The following MGST1 variants were observed in gnomAD, a reference collection of about 807,000 sequenced individuals.
MGST1 encodes microsomal glutathione S-transferase 1, also known as glutathione S-transferase 12.
In MGST1, 5 loss-of-function variants were observed where a neutral mutation model predicts 8.9. The ratio of observed to expected loss-of-function variants is 0.56; its 90% CI spans 0.29 to 1.19. MGST1 has a LOEUF of 1.19. Ranked by LOEUF, MGST1 falls within the 50% of genes most tolerant of loss-of-function variation. The pLI, the probability that MGST1 is intolerant of heterozygous loss-of-function variation, is 0.08. For missense variants in MGST1, 182 were observed against 187.4 expected, an observed-to-expected ratio of 0.97 and a Z score of 0.17; for synonymous variants, 54 against 67.8, an observed-to-expected ratio of 0.80 and a Z score of 1.00.
At chr12:16,498,009 G>A (rs1467179257) in intron 4 of MGST1, among the ~76,000 whole-genome samples, 2 of 152,066 alleles carry the variant, frequency 1.3e-5, no homozygotes, top group Non-Finnish European at 2.9e-5. Context: ...ATTCCTTAAA[G>A]CAAAGTCATC....
chr12:16,373,527 AT>A (rs1260909272), intron 3 of MGST1, among the ~76,000 whole-genome samples: 8 of 152,066 alleles, frequency 5.3e-5, no homozygotes, highest in Non-Finnish European at 7.4e-5. Context: ...GATAACTGTT[AT>A]GTATCCGTAT....
At chr12:16,366,628 T>TACACAC (rs374809283), downstream of MGST1, among the ~76,000 whole-genome samples, 2,821 of 83,866 alleles carry the variant, frequency 0.034, 51 homozygotes, top group East Asian at 0.18. This position sits in a 1 kb window ranked among gnomAD's most constrained non-coding sequence, Gnocchi z 4.0. Context: ...TATCTGTGTG[T>TACACAC]ACACACACAC....
At chr12:16,386,356 C>T (rs1412399567) in intron 1 of MGST1, among the ~76,000 whole-genome samples, 1 of 152,180 alleles carries the variant, frequency 6.6e-6, no homozygotes, top group African/African-American at 2.4e-5. Context: ...CGGCATGTCA[C>T]CCAAGCTAGG....
chr12:16,395,216 T>A (rs1409514130), intron 1 of MGST1, among the ~76,000 whole-genome samples: 2 of 152,074 alleles, frequency 1.3e-5, no homozygotes, highest in Non-Finnish European at 2.9e-5. Context: ...TATTAGAAGG[T>A]AGGGATCCAA....
intron 1 of MGST1, among the ~76,000 whole-genome samples, chr12:16,404,924 A>G (rs1940687145): frequency 1.3e-5 from 2 of 152,134 alleles, no homozygotes; most frequent in South Asian, 4.1e-4. Flanking sequence ...TTGTCTTCTA[A>G]GAACTGTCTG....
intron 4 of MGST1, among the ~76,000 whole-genome samples, chr12:16,572,742 G>A (rs1276991397): frequency 6.7e-6 from 1 of 148,742 alleles, no homozygotes; most frequent in Non-Finnish European, 1.5e-5. Context: ...ATAATGCTCT[G>A]CTCACTGTTA....
chr12:16,566,823 C>T (rs1290092283), intron 4 of MGST1, among the ~76,000 whole-genome samples: 1 of 152,106 alleles, frequency 6.6e-6, no homozygotes, highest in Non-Finnish European at 1.5e-5. Flanking sequence ...TGCACATACA[C>T]ACATAATAGG....
chr12:16,433,133 T>A (rs543145486), intron 1 of MGST1, among the ~76,000 whole-genome samples: 4 of 152,010 alleles, frequency 2.6e-5, no homozygotes, highest in Admixed American at 6.6e-5. Context: ...GAACTTGGAG[T>A]CTGACATTCC....
At chr12:16,454,513 G>C (rs1344590620) in intron 4 of MGST1, among the ~76,000 whole-genome samples, 1 of 147,654 alleles carries the variant, frequency 6.8e-6, no homozygotes, top group Non-Finnish European at 1.5e-5. Flanking sequence ...CCATTTTAAA[G>C]ATGAGGAAGA....
In MGST1 at chr12:16,374,770, G is replaced by T. The variant is rs561754314; in HGVS notation, c.222-1352G>T. Among the ~76,000 whole-genome samples the T allele has an allele frequency of 1.4e-4, 22 of 152,196 alleles. 1 individual carries two copies. The highest frequency in any genetic ancestry group is 3.1e-4 in the Non-Finnish European group (21 of 68,004). On this transcript the variant is annotated intron_variant, in intron 3 of 3. Coordinates refer to the MGST1 transcript ENST00000535309. ...ATAGATTATTATGCAGCTGTAAAAA[G>T]AATTAGAAAAATCTCTATATGTTAC...
intron 3 of MGST1, among the ~76,000 whole-genome samples, chr12:16,359,933 G>T (rs998071990): frequency 2.6e-5 from 4 of 152,156 alleles, no homozygotes; most frequent in African/African-American, 9.7e-5. Context: ...CTCCCTGCCC[G>T]TGGGATTGTA....
At chr12:16,523,817 A>G (rs1221195722) in intron 4 of MGST1, among the ~76,000 whole-genome samples, 1 of 152,238 alleles carries the variant, frequency 6.6e-6, no homozygotes, top group Admixed American at 6.6e-5. Context: ...CACAACTCCA[A>G]GAGAAGAGAT....
chr12:16,409,617 G>T (rs1940726536), intron 1 of MGST1, among the ~76,000 whole-genome samples: 1 of 152,128 alleles, frequency 6.6e-6, no homozygotes, highest in African/African-American at 2.4e-5. Context: ...GAATACAGAA[G>T]TGTAAGCAAA....
chr12:16,577,379 A>G (rs1166117570), intron 4 of MGST1, among the ~76,000 whole-genome samples: 1 of 152,118 alleles, frequency 6.6e-6, no homozygotes, highest in African/African-American at 2.4e-5. Flanking sequence ...AGTTATTAAA[A>G]TCACATTTTC....
chr12:16,405,537 A>AG (rs776733672), intron 1 of MGST1, among the ~76,000 whole-genome samples: 11 of 152,184 alleles, frequency 7.2e-5, no homozygotes. Context: ...AAAATTGAGG[A>AG]GGAGGGACTC....
intron 3 of MGST1, among the ~76,000 whole-genome samples, chr12:16,373,271 G>A (rs185074503): frequency 6.6e-6 from 1 of 151,878 alleles, no homozygotes; most frequent in African/African-American, 2.4e-5. Flanking sequence ...GGATGTGGGG[G>A]ATAAAGAGGG....
intron 4 of MGST1, among the ~76,000 whole-genome samples, chr12:16,516,203 T>C (rs116449249): frequency 0.014 from 2,170 of 152,304 alleles, 48 homozygotes; most frequent in African/African-American, 0.049. Context: ...GTAAGGGCGC[T>C]TCACACAAAA....
At chr12:16,490,812 C>T (rs1941433626) in intron 4 of MGST1, among the ~76,000 whole-genome samples, 1 of 152,162 alleles carries the variant, frequency 6.6e-6, no homozygotes, top group Non-Finnish European at 1.5e-5. Flanking sequence ...ATCCCTCCAT[C>T]CATCCCGGGA....
chr12:16,492,798 G>T (rs1941448161), intron 4 of MGST1, among the ~76,000 whole-genome samples: 1 of 152,052 alleles, frequency 6.6e-6, no homozygotes, highest in African/African-American at 2.4e-5. Flanking sequence ...TCAGGATATG[G>T]ATTTTTCAGA....
Sources: allele counts gnomAD v4.1 joint callset (sites outside exome capture counted in the v4.1 genomes callset), GRCh38; gene constraint gnomAD v4.1.1; non-coding constraint Gnocchi (gnomAD v3.1); transcripts MANE v1.5; gene names NCBI Gene and HGNC (gene_info 2026-07-23, HGNC 2026-07-21).